Variants in PATJ observed in about 807,000 individuals in gnomAD.
PATJ encodes the protein PATJ crumbs cell polarity complex component.
Under a neutral mutation model 224.9 loss-of-function variants are expected in PATJ, and 190 were observed. That is an observed-to-expected ratio of 0.84 (90% CI 0.75 to 0.95). The LOEUF is 0.95. PATJ is among the 40% of genes least tolerant of loss of function. The pLI is 0.00. For missense variants in PATJ, 2,121 were observed against 2,270.3 expected (o/e 0.93, Z 1.34); for synonymous variants, 769 against 820.3 (o/e 0.94, Z 1.07).
chr1:61,971,981 C>T (rs1008790339), intron 27 of PATJ, among the ~76,000 whole-genome samples: 1 of 151,624 alleles, frequency 6.6e-6, no homozygotes, highest in Admixed American at 6.6e-5. Context: ...AGAGTGAGAC[C>T]TTATCTCAAA....
chr1:61,994,115 A>G (rs1569791149), intron 28 of PATJ, among the ~76,000 whole-genome samples: 1 of 152,228 alleles, frequency 6.6e-6, no homozygotes, highest in Non-Finnish European at 1.5e-5. Context: ...TTTTTGGCTA[A>G]TTATTTATCT....
At position 61,805,148 on chromosome 1, in the gene PATJ, CTG is replaced by C. The variant is rs1270612511; in HGVS notation, c.1550-298_1550-297del. Among the ~76,000 whole-genome samples, 5 of 152,158 alleles carry C rather than the reference CTG, an allele frequency of 3.3e-5. No individual in the cohort carries two copies. The South Asian group carries it at 6.2e-4, about 19-fold the overall frequency. Reference sequence around the variant, plus strand: ...AAACTATAGGATATTTACATATAAACTGTATATAATTTAAATTTCATGTATAA... The same window carrying C: ...AAACTATAGGATATTTACATATAAACTATATAATTTAAATTTCATGTATAA... On this transcript the variant is annotated intron_variant, in intron 12 of 43. Transcript: ENST00000642238.
intron 33 of PATJ, among the ~76,000 whole-genome samples, chr1:62,097,522 G>A (rs1484045811): frequency 6.6e-6 from 1 of 152,134 alleles, no homozygotes; most frequent in Non-Finnish European, 1.5e-5. Flanking sequence ...AACAGCATGT[G>A]GAGAGACCAC....
chr1:61,823,162 T>C, intron 15 of PATJ, 83 bp downstream of exon 15: 1 of 1,396,142 alleles, frequency 7.2e-7, no homozygotes, highest in South Asian at 1.2e-5. Flanking sequence ...TCCCCTGAGT[T>C]ATAGTGTCAC....
chr1:62,156,872 C>T (rs1570865167), intron 43 of PATJ, among the ~76,000 whole-genome samples: 1 of 148,188 alleles, frequency 6.7e-6, no homozygotes. Context: ...GCTGTGATCA[C>T]ACCACTGCAC....
chr1:61,764,603 C>T (rs905818662), intron 3 of PATJ, among the ~76,000 whole-genome samples: 10 of 152,044 alleles, frequency 6.6e-5, no homozygotes, highest in Admixed American at 4.6e-4. Flanking sequence ...ATAATTGGAG[C>T]TAATTTAGCA....
intron 27 of PATJ, among the ~76,000 whole-genome samples, chr1:61,942,857 CTTTAA>C (rs1373369825): frequency 6.6e-6 from 1 of 152,112 alleles, no homozygotes. Context: ...CCAGCAGTTT[CTTTAA>C]AAGTCTGCAT....
chr1:62,100,691 A>G (rs1662044439), intron 33 of PATJ, among the ~76,000 whole-genome samples: 2 of 152,114 alleles, frequency 1.3e-5, no homozygotes, highest in Non-Finnish European at 2.9e-5. Flanking sequence ...TCTATCTCCA[A>G]CCAATTTCTT....
At chr1:61,857,743 T>G (rs559709238) in intron 18 of PATJ, among the ~76,000 whole-genome samples, 11 of 152,358 alleles carry the variant, frequency 7.2e-5, no homozygotes, top group Middle Eastern at 3.4e-3. Context: ...GATATGCTCT[T>G]CAGGAATCTA....
At chr1:62,102,516 A>G (rs1437480906) in intron 33 of PATJ, among the ~76,000 whole-genome samples, 1 of 152,192 alleles carries the variant, frequency 6.6e-6, no homozygotes, top group Non-Finnish European at 1.5e-5. Context: ...GTGCACAGAA[A>G]TAGGACTGAA....
At chr1:62,085,969 T>G (rs1558148189) in intron 33 of PATJ, among the ~76,000 whole-genome samples, 2 of 152,190 alleles carry the variant, frequency 1.3e-5, no homozygotes, top group East Asian at 1.9e-4. Context: ...GATTGACTTT[T>G]TATTGTTTTT....
rs1382649343 is a variant in PATJ, at chr1:62,097,061, G to C, written c.4378-11376G>C. 4.6e-5 allele frequency among the ~76,000 whole-genome samples: 7 copies of C among 152,106 alleles called. No individual in the cohort carries two copies. In the East Asian group the frequency reaches 1.3e-3, roughly 29 times the overall value. ...CCATCTCATCCTGAAAATCTAAAAG[G>C]GGGGATTTATTAGTTCCATTTTGCA... On this transcript the variant is annotated intron_variant, in intron 33 of 43. Transcript: ENST00000642238.
At chr1:61,795,402 C>A in intron 9 of PATJ, 65 bp from the exon 10 acceptor site, 1 of 869,096 alleles carries the variant, frequency 1.2e-6, no homozygotes, top group Non-Finnish European at 1.8e-6. Flanking sequence ...CCTCTTGATA[C>A]AAATTTTGCA....
intron 19 of PATJ, among the ~76,000 whole-genome samples, chr1:61,863,170 C>T (rs1018296995): frequency 4.0e-5 from 6 of 151,360 alleles, no homozygotes; most frequent in African/African-American, 1.5e-4. Flanking sequence ...AAGTAGCTGG[C>T]ACCACAGGCG....
chr1:62,096,129 G>C (rs1331391955), intron 33 of PATJ, among the ~76,000 whole-genome samples: 2 of 152,118 alleles, frequency 1.3e-5, no homozygotes, highest in Non-Finnish European at 2.9e-5. Flanking sequence ...AAGGGTTCTT[G>C]TTTACCTGTT....
chr1:62,079,935 G>C (rs1004033161), intron 32 of PATJ, among the ~76,000 whole-genome samples: 2 of 151,796 alleles, frequency 1.3e-5, no homozygotes, highest in Non-Finnish European at 2.9e-5. Flanking sequence ...GGCTGAGGCA[G>C]GAGAATCGCC....
At chr1:62,100,590 A>G (rs1471206080) in intron 33 of PATJ, among the ~76,000 whole-genome samples, 2 of 152,354 alleles carry the variant, frequency 1.3e-5, no homozygotes, top group East Asian at 1.9e-4. Context: ...TTTGGAGGGT[A>G]CATTCATACC....
intron 6 of PATJ, among the ~76,000 whole-genome samples, chr1:61,772,075 G>A (rs1646645959): frequency 6.8e-6 from 1 of 147,896 alleles, no homozygotes; most frequent in Non-Finnish European, 1.5e-5. Flanking sequence ...TGCAGCGTTA[G>A]CATATTTAAA....
chr1:61,948,296 A>C (rs1454886958), intron 27 of PATJ, among the ~76,000 whole-genome samples: 2 of 152,186 alleles, frequency 1.3e-5, no homozygotes, highest in Non-Finnish European at 2.9e-5. Flanking sequence ...ATGGGAGAAA[A>C]TTTTTACAAT....
Sources: allele counts gnomAD v4.1 joint callset (sites outside exome capture counted in the v4.1 genomes callset), GRCh38; gene constraint gnomAD v4.1.1; transcripts MANE v1.5; gene names NCBI Gene and HGNC (gene_info 2026-07-23, HGNC 2026-07-21).